FAT3: variants seen among roughly 807,000 people sequenced by gnomAD.
FAT3 encodes the protein protocadherin Fat 3.
In FAT3, 95 loss-of-function variants were observed where a neutral mutation model predicts 310.2. The ratio of observed to expected loss-of-function variants is 0.31; its 90% CI spans 0.26 to 0.36. The LOEUF (loss-of-function observed/expected upper bound fraction) is 0.36. Ranked by LOEUF, FAT3 falls within the 10% of genes least tolerant of loss-of-function variation. The probability of loss-of-function intolerance (pLI) is 1.00; values close to 1 mark genes in which losing one functional copy is unlikely to be tolerated. For synonymous variants in FAT3, 2,314 were observed against 2,192.9 expected (o/e 1.06, Z -1.54); for missense variants, 5,408 against 5,715.6 (o/e 0.95, Z 1.74).
At position 92,310,442 on chromosome 11, in the gene FAT3, T is replaced by C. The variant is rs1001267575; in HGVS notation, c.-17-41654T>C. Among the ~76,000 whole-genome samples, 3 of 152,318 alleles carry C rather than the reference T, an allele frequency of 2.0e-5. No homozygotes were observed. In the South Asian group the frequency reaches 6.2e-4, roughly 32 times the overall value. ...TTTGTGTCTGTGCAGAATTGAAATATGTACTGAACCACAGGCAAAAGAATC... is the reference window on the plus strand; with the variant it reads ...TTTGTGTCTGTGCAGAATTGAAATACGTACTGAACCACAGGCAAAAGAATC... On this transcript the variant is annotated intron_variant, in intron 1 of 27. Transcript: ENST00000525166.
chr11:92,271,068 C>T (rs573811837), intron 1 of FAT3, among the ~76,000 whole-genome samples: 2 of 152,108 alleles, frequency 1.3e-5, no homozygotes, highest in Non-Finnish European at 2.9e-5. Context: ...TGTGTTCCTG[C>T]AGCAGCCTCC....
chr11:92,378,962 A>G (rs1418417119), intron 2 of FAT3, among the ~76,000 whole-genome samples: 1 of 152,158 alleles, frequency 6.6e-6, no homozygotes, highest in East Asian at 1.9e-4. Context: ...CAAAGGCCCT[A>G]CTTCCTAATA....
intron 22 of FAT3, among the ~76,000 whole-genome samples, chr11:92,879,378 CAG>C (rs1949619900): frequency 6.6e-6 from 1 of 152,156 alleles, no homozygotes; most frequent in African/African-American, 2.4e-5. Flanking sequence ...TGAAGCCAGT[CAG>C]AGGGCCTCAG....
chr11:92,599,301 G>T (rs1316165178), intron 3 of FAT3, among the ~76,000 whole-genome samples: 1 of 152,114 alleles, frequency 6.6e-6, no homozygotes, highest in Non-Finnish European at 1.5e-5. Flanking sequence ...TCACATGGTG[G>T]CAGCAAGGAG....
chr11:92,747,522 G>T (rs147448944), intron 4 of FAT3, among the ~76,000 whole-genome samples: 5 of 152,204 alleles, frequency 3.3e-5, no homozygotes, highest in Non-Finnish European at 7.3e-5. Context: ...CCTTAGAGGC[G>T]TTTTCCCATT....
At chr11:92,447,756 T>C (rs1951255207) in intron 2 of FAT3, among the ~76,000 whole-genome samples, 1 of 152,082 alleles carries the variant, frequency 6.6e-6, no homozygotes. Context: ...GTGGAAATGT[T>C]TTTGGAAGAA....
chr11:92,717,821 A>G (rs1944733710), intron 4 of FAT3, among the ~76,000 whole-genome samples: 1 of 152,158 alleles, frequency 6.6e-6, no homozygotes, highest in Admixed American at 6.5e-5. Context: ...TCACTTCTTA[A>G]AAAAGAAGAG....
intron 4 of FAT3, among the ~76,000 whole-genome samples, chr11:92,741,859 T>G (rs975954995): frequency 6.6e-6 from 1 of 152,220 alleles, no homozygotes; most frequent in South Asian, 2.1e-4. Flanking sequence ...AATAGGATAA[T>G]GAATAATGTT....
intron 3 of FAT3, among the ~76,000 whole-genome samples, chr11:92,594,989 A>T (rs566280120): frequency 7.4e-6 from 1 of 134,992 alleles, no homozygotes; most frequent in African/African-American, 3.1e-5. Flanking sequence ...ATATAGACTC[A>T]TGAATAAATG....
At chr11:92,266,120 T>G (rs1945938774) in intron 1 of FAT3, among the ~76,000 whole-genome samples, 1 of 152,176 alleles carries the variant, frequency 6.6e-6, no homozygotes, top group South Asian at 2.1e-4. Flanking sequence ...AGACTTTGAC[T>G]TGCAAGGAGA....
At chr11:92,274,417 A>G (rs887719982) in intron 1 of FAT3, among the ~76,000 whole-genome samples, 12 of 152,108 alleles carry the variant, frequency 7.9e-5, no homozygotes, top group Admixed American at 5.9e-4. Flanking sequence ...AAGAAATTAA[A>G]TAGTATAAAT....
At chr11:92,558,414 G>GTGTGTGTGTGTGTT (rs1456226981) in intron 3 of FAT3, among the ~76,000 whole-genome samples, 11 of 152,092 alleles carry the variant, frequency 7.2e-5, no homozygotes, top group Admixed American at 6.5e-4. Context: ...GTGTGTGTGT[G>GTGTGTGTGTGTGTT]TGTGTGTGTA....
chr11:92,464,448 A>G (rs1951711077), intron 2 of FAT3, among the ~76,000 whole-genome samples: 1 of 152,142 alleles, frequency 6.6e-6, no homozygotes, highest in African/African-American at 2.4e-5. Context: ...TGTTTCTCAT[A>G]TAGGGTAATT....
intron 3 of FAT3, among the ~76,000 whole-genome samples, chr11:92,691,278 G>A (rs1192374727): frequency 6.6e-6 from 1 of 152,128 alleles, no homozygotes; most frequent in Non-Finnish European, 1.5e-5. Context: ...GCCGATTCTG[G>A]TACCCAGGTC....
intron 3 of FAT3, among the ~76,000 whole-genome samples, chr11:92,588,310 T>C (rs556587): frequency 0.19 from 28,626 of 151,774 alleles, 2,935 homozygotes; most frequent in African/African-American, 0.27. Context: ...TTACAATAAG[T>C]TGCTGTTCCA....
intron 2 of FAT3, among the ~76,000 whole-genome samples, chr11:92,469,234 G>A (rs2135142693): frequency 6.6e-6 from 1 of 152,230 alleles, no homozygotes; most frequent in South Asian, 2.1e-4. Context: ...TAATGTTTAT[G>A]AAGACAATTA....
intron 1 of FAT3, among the ~76,000 whole-genome samples, chr11:92,323,933 C>T (rs1323845095): frequency 6.6e-6 from 1 of 152,224 alleles, no homozygotes; most frequent in Non-Finnish European, 1.5e-5. Flanking sequence ...TGCTTCAGCG[C>T]TTGCTGCCTC....
At chr11:92,334,433 C>T (rs1591124277) in intron 1 of FAT3, among the ~76,000 whole-genome samples, 1 of 152,054 alleles carries the variant, frequency 6.6e-6, no homozygotes, top group East Asian at 1.9e-4. Flanking sequence ...AAGAGTAATG[C>T]ATTTTTAATT....
intron 2 of FAT3, among the ~76,000 whole-genome samples, chr11:92,436,411 G>A (rs76117369): frequency 0.03 from 4,592 of 152,196 alleles, 245 homozygotes; most frequent in African/African-American, 0.1. Context: ...CAAAATGCTG[G>A]GATTACAGGC....
Sources: gnomAD v4.1 joint callset for allele counts (sites outside exome capture counted in the v4.1 genomes callset) on GRCh38, gnomAD v4.1.1 for gene constraint, MANE v1.5 for transcripts, NCBI Gene and HGNC (gene_info 2026-07-23, HGNC 2026-07-21) for gene names.